Variants in SLC9A9 observed in about 807,000 individuals in gnomAD.
The protein encoded by SLC9A9 is solute carrier family 9 member A9, also known as sodium/hydrogen exchanger 9.
In SLC9A9, 62 loss-of-function variants were observed where a neutral mutation model predicts 77.8. The observed-to-expected ratio is 0.80, with a 90% confidence interval of 0.65 to 0.98. The LOEUF is 0.98. SLC9A9 is among the 50% of genes least tolerant of loss of function. SLC9A9 has a pLI of 0.00. For synonymous variants in SLC9A9, 320 were observed against 283.5 expected (o/e 1.13, Z -1.29); for missense variants, 775 against 774.9 (o/e 1.00, Z 0.00).
At chr3:143,607,906 A>G (rs1306513756) in intron 6 of SLC9A9, among the ~76,000 whole-genome samples, 2 of 152,080 alleles carry the variant, frequency 1.3e-5, no homozygotes. Context: ...TTTAACTTAT[A>G]TATGTATAAT....
At chr3:143,724,896 A>G (rs965816269) in intron 4 of SLC9A9, among the ~76,000 whole-genome samples, 14 of 152,222 alleles carry the variant, frequency 9.2e-5, no homozygotes, top group African/African-American at 3.4e-4. Context: ...AGAGCCTTTC[A>G]GTGTCAGGTG....
At chr3:143,681,132 C>T (rs1933076078) in intron 5 of SLC9A9, among the ~76,000 whole-genome samples, 1 of 152,166 alleles carries the variant, frequency 6.6e-6, no homozygotes, top group Non-Finnish European at 1.5e-5. Flanking sequence ...TTTGGCTACT[C>T]CCAAGCTCCA....
chr3:143,596,209 T>A (rs978570039), intron 6 of SLC9A9, among the ~76,000 whole-genome samples: 3 of 152,136 alleles, frequency 2.0e-5, no homozygotes, highest in South Asian at 2.1e-4. Flanking sequence ...AAGAAAAAAA[T>A]TTTGGAATAA....
At chr3:143,469,844 A>T (rs1559930066) in intron 11 of SLC9A9, among the ~76,000 whole-genome samples, 1 of 152,238 alleles carries the variant, frequency 6.6e-6, no homozygotes, top group African/African-American at 2.4e-5. Context: ...TGGCCTATAG[A>T]TAAGGAAGAT....
At chr3:143,276,726 T>C (rs1938061109) in intron 14 of SLC9A9, among the ~76,000 whole-genome samples, 1 of 152,110 alleles carries the variant, frequency 6.6e-6, no homozygotes, top group Admixed American at 6.5e-5. Context: ...ATGAGTCAGA[T>C]GATATCTGAA....
intron 13 of SLC9A9, among the ~76,000 whole-genome samples, chr3:143,377,061 C>T (rs757120776): frequency 2.6e-5 from 4 of 152,138 alleles, no homozygotes; most frequent in Non-Finnish European, 4.4e-5. Flanking sequence ...ATTCTCTTAT[C>T]TTTGTGTTTA....
At chr3:143,775,150 A>G (rs762487596) in intron 4 of SLC9A9, among the ~76,000 whole-genome samples, 2 of 152,218 alleles carry the variant, frequency 1.3e-5, no homozygotes, top group African/African-American at 2.4e-5. Flanking sequence ...TGCAAGTATC[A>G]GTAGACCAAA....
At chr3:143,599,981 G>A (rs1003756159) in intron 6 of SLC9A9, among the ~76,000 whole-genome samples, 67 of 151,814 alleles carry the variant, frequency 4.4e-4, no homozygotes, top group African/African-American at 1.5e-3. Context: ...TTACCTACCA[G>A]CCCGGTACTG....
At chr3:143,383,643 C>T (rs1186387002) in intron 12 of SLC9A9, among the ~76,000 whole-genome samples, 2 of 152,234 alleles carry the variant, frequency 1.3e-5, no homozygotes, top group Non-Finnish European at 2.9e-5. Context: ...CAAACTTCCT[C>T]TGTTTCCAGA....
intron 3 of SLC9A9, 95 bp from the exon 4 acceptor site, chr3:143,795,172 C>T: frequency 8.5e-7 from 1 of 1,177,510 alleles, no homozygotes; most frequent in Non-Finnish European, 1.2e-6. Flanking sequence ...ACAGACCCCT[C>T]ACTGTTTAGG....
intron 6 of SLC9A9, among the ~76,000 whole-genome samples, chr3:143,583,923 T>C (rs2037496834): frequency 6.6e-6 from 1 of 152,188 alleles, no homozygotes; most frequent in South Asian, 2.1e-4. Flanking sequence ...TATGAATTTG[T>C]TTTGTGCAGA....
intron 14 of SLC9A9, among the ~76,000 whole-genome samples, chr3:143,356,772 C>G (rs574928962): frequency 8.5e-5 from 13 of 152,108 alleles, no homozygotes; most frequent in South Asian, 2.1e-4. Context: ...GCTTCCACCC[C>G]CTAAGGTGCT....
chr3:143,265,898 G>A lies in SLC9A9; in HGVS notation c.*804C>T, dbSNP rs3796227. On this transcript the variant is annotated 3_prime_UTR_variant, in exon 16 of 16. Coordinates refer to ENST00000316549, the MANE Select transcript of SLC9A9 (RefSeq NM_173653.4). The stretch of plus-strand genomic sequence containing the variant: ...CTCCAGCATATCGCGGGGAGGGGGG[G>A]ACCTGCTGCACAGCCAAGAAGTGAC... The A allele has an allele frequency of 1.6e-6, 1 of 607,704 alleles. No homozygotes were observed. Among genetic ancestry groups the A allele is most frequent in the Non-Finnish European group, 3.0e-6 (1 of 338,950 alleles). 37.6% of individuals were successfully genotyped at this position (607,704 alleles called of 1,614,324 possible). A position where few individuals can be genotyped will look rare whatever the true frequency, so the allele number is the denominator to read the frequency against.
intron 6 of SLC9A9, among the ~76,000 whole-genome samples, chr3:143,589,846 C>T (rs554025862): frequency 5.9e-5 from 9 of 152,240 alleles, no homozygotes; most frequent in East Asian, 1.9e-4. Flanking sequence ...GCTCTACCAC[C>T]GGAATGTGCT....
chr3:143,298,413 G>T (rs1365951828), intron 14 of SLC9A9, among the ~76,000 whole-genome samples: 1 of 152,186 alleles, frequency 6.6e-6, no homozygotes, highest in Non-Finnish European at 1.5e-5. Context: ...GCATTTAGTG[G>T]CATGAACACA....
intron 12 of SLC9A9, among the ~76,000 whole-genome samples, chr3:143,445,187 C>G (rs1444822590): frequency 6.6e-6 from 1 of 152,200 alleles, no homozygotes; most frequent in African/African-American, 2.4e-5. Context: ...GTGGCTCACT[C>G]TGCTGTTGTA....
intron 4 of SLC9A9, among the ~76,000 whole-genome samples, chr3:143,715,065 C>A (rs1237499132): frequency 1.3e-5 from 2 of 152,190 alleles, no homozygotes; most frequent in African/African-American, 4.8e-5. Flanking sequence ...CCTTGCCTTC[C>A]ACCATGATTG....
At chr3:143,575,234 G>A (rs1386645380) in intron 7 of SLC9A9, among the ~76,000 whole-genome samples, 1 of 152,186 alleles carries the variant, frequency 6.6e-6, no homozygotes, top group Non-Finnish European at 1.5e-5. Flanking sequence ...TGGTAAACAT[G>A]TTTTGTAAAG....
chr3:143,423,266 C>CAT (rs2034342160), intron 12 of SLC9A9, among the ~76,000 whole-genome samples: 1 of 151,508 alleles, frequency 6.6e-6, no homozygotes, highest in African/African-American at 2.4e-5. Flanking sequence ...CACACACACA[C>CAT]ACACACACAC....
Sources: allele counts gnomAD v4.1 joint callset (sites outside exome capture counted in the v4.1 genomes callset), GRCh38; gene constraint gnomAD v4.1.1; transcripts MANE v1.5; gene names NCBI Gene and HGNC (gene_info 2026-07-23, HGNC 2026-07-21).